DCHS1: variants seen among roughly 807,000 people sequenced by gnomAD.
DCHS1 encodes the protein dachsous cadherin-related 1.
Under a neutral mutation model 213.9 loss-of-function variants are expected in DCHS1, and 78 were observed. The ratio of observed to expected loss-of-function variants is 0.36; its 90% CI spans 0.30 to 0.44. The LOEUF (loss-of-function observed/expected upper bound fraction) is 0.44. Ranked by LOEUF, DCHS1 falls within the 20% of genes least tolerant of loss-of-function variation. The pLI, the probability that DCHS1 is intolerant of heterozygous loss-of-function variation, is 1.00. For synonymous variants in DCHS1, 1,828 were observed against 1,873.7 expected (o/e 0.98, Z 0.63); for missense variants, 3,946 against 4,395.9 (o/e 0.90, Z 2.89).
Position 6,640,770 on chromosome 11 carries a change from C to G in DCHS1, c.844G>C (p.Ala282Pro). The G allele has an allele frequency of 6.2e-7, 1 of 1,614,042 alleles. No individual in the cohort carries two copies. Among genetic ancestry groups the G allele is most frequent in the Non-Finnish European group, 8.5e-7 (1 of 1,179,892 alleles). ...ACAGCCCCATTGACACCAGCATCGGCATCAGATGCGAACACCTGCAAGACA... is the reference window on the plus strand; with the variant it reads ...ACAGCCCCATTGACACCAGCATCGGGATCAGATGCGAACACCTGCAAGACA... The part of the protein sequence containing the change: ...SPVLQVFASD[A>P]DAGVNGAVTY... Residue 282 changes from alanine (A) to proline (P), a missense_variant, in exon 2 of 21, where the codon GCC (alanine) becomes CCC (proline). By Grantham distance (27) the Ala-to-Pro change is conservative. Coordinates refer to ENST00000299441, the MANE Select transcript of DCHS1 (RefSeq NM_003737.4). The surrounding 1 kb of genome is among the most constrained non-coding windows in gnomAD (Gnocchi z 6.5).
At chr11:6,646,536 A>T (rs897971960) in intron 1 of DCHS1, among the ~76,000 whole-genome samples, 1 of 151,804 alleles carries the variant, frequency 6.6e-6, no homozygotes, top group East Asian at 1.9e-4. Context: ...CCTTCCCCAG[A>T]TCTGGCCTGC....
rs1855801964 is a variant in DCHS1 at position 6,626,275 on chromosome 11, A to G, written c.6470T>C (p.Leu2157Pro). 1 of 1,613,136 alleles carries G rather than the reference A, an allele frequency of 6.2e-7. No homozygotes were observed. The highest frequency in any genetic ancestry group is 1.3e-5 in the African/African-American group (1 of 74,930). The change falls in exon 16 of 21, where the codon CTG becomes CCG. Residue 2157 changes from leucine to proline, a missense_variant. Leu to Pro is a moderately conservative substitution (Grantham distance 98). Around this residue, in one of 3 missense-constraint regions of DCHS1, gnomAD observed 3,384 missense variants for 3,780.1 expected, o/e 0.90. Coordinates refer to ENST00000299441, the MANE Select transcript of DCHS1 (RefSeq NM_003737.4). This position sits in a 1 kb window ranked among gnomAD's most constrained non-coding sequence, Gnocchi z 5.2. Reference sequence around the variant, plus strand: ...GTTGGCATCTTGCAGGGTCAGGGTCAGCACAGTGAAGGCAAAGGCTCCTCC... The same window carrying G: ...GTTGGCATCTTGCAGGGTCAGGGTCGGCACAGTGAAGGCAAAGGCTCCTCC... Reference protein sequence around the residue: ...ESGGAFAFTVLTLTLQDANDN... With the variant: ...ESGGAFAFTVPTLTLQDANDN...
In DCHS1 at chr11:6,655,671, A is replaced by T; in HGVS notation, c.-229T>A. On this transcript the variant is annotated 5_prime_UTR_variant, in exon 1 of 21. Transcript: ENST00000299441. ...GGGCCTGAGGCCGCGCATCGTCCGC[A>T]GTCGCTGTCTCCGAGGCCCGCGATC... 1.0e-6 allele frequency: 1 copy of T among 974,702 alleles called. No homozygotes were observed. Among genetic ancestry groups the T allele is most frequent in the Non-Finnish European group, 1.2e-6 (1 of 826,148 alleles). 60.4% of individuals were successfully genotyped at this position (974,702 alleles called of 1,614,324 possible). A position where few individuals can be genotyped will look rare whatever the true frequency, so the allele number is the denominator to read the frequency against.
rs150354113 is a variant in DCHS1 at position 6,623,830 on chromosome 11, G to C, written c.7846C>G (p.Pro2616Ala). Residue 2616 changes from proline to alanine, a missense_variant, in exon 21 of 21, where the codon CCT becomes GCT. By Grantham distance (27) the Pro-to-Ala change is conservative. This residue lies in a region of DCHS1 where 3,384 missense variants were observed against 3,780.1 expected (regional missense o/e 0.90). Coordinates refer to ENST00000299441, the MANE Select transcript of DCHS1 (RefSeq NM_003737.4). ...SYRVTVPEDT[P>A]VGAELLHVEA... Reference sequence around the variant, plus strand: ...ACATGCAGCAGCTCAGCTCCAACAGGTGTGTCCTCAGGTACTGTCACACGG... The same window carrying C: ...ACATGCAGCAGCTCAGCTCCAACAGCTGTGTCCTCAGGTACTGTCACACGG... The C allele has an allele frequency of 1.5e-4, 234 of 1,613,604 alleles. No individual in the cohort carries two copies. In the African/African-American group the frequency reaches 2.7e-3, roughly 18 times the overall value.
At position 6,621,587 on chromosome 11, in the gene DCHS1, G is replaced by A. The variant is rs1240961295; in HGVS notation, c.*192C>T. The stretch of plus-strand genomic sequence containing the variant: ...CTCCCCACATTGGACCTGGTCACAG[G>A]TCAGTGAGCAACAGGGCTTCTGTGG... On this transcript the variant is annotated 3_prime_UTR_variant, in exon 21 of 21. Transcript: ENST00000299441. 1.4e-6 allele frequency: 1 copy of A among 732,760 alleles called. No individual in the cohort carries two copies. The highest frequency in any genetic ancestry group is 2.4e-6 in the Non-Finnish European group (1 of 413,922). The allele number at this position is 732,760 out of a possible 1,614,324, so 45.4% of individuals were successfully genotyped here.
At chr11:6,654,866 C>A (rs1436001544) in intron 1 of DCHS1, among the ~76,000 whole-genome samples, 8 of 152,114 alleles carry the variant, frequency 5.3e-5, no homozygotes, top group Admixed American at 5.2e-4. Context: ...CCTCTCCCCA[C>A]CCCCTCCACG....
rs1406848987 is a variant in DCHS1 at position 6,631,358 on chromosome 11, T to C, written c.3725A>G (p.Lys1242Arg). The C allele has an allele frequency of 6.2e-7, 1 of 1,613,976 alleles. No homozygotes were observed. Among genetic ancestry groups the C allele is most frequent in the Non-Finnish European group, 8.5e-7 (1 of 1,179,860 alleles). ...PGTLVTTLQA[K>R]DPDEGENGTI... ...CCCATTCTCCCCCTCATCTGGATCCTTCGCCTGCAGAGTCGTCACCAGTGT... is the reference window on the plus strand; with the variant it reads ...CCCATTCTCCCCCTCATCTGGATCCCTCGCCTGCAGAGTCGTCACCAGTGT... Residue 1242 changes from lysine (K) to arginine (R), a missense_variant, in exon 8 of 21, where the codon AAG becomes AGG. Around this residue, in one of 3 missense-constraint regions of DCHS1, gnomAD observed 3,384 missense variants for 3,780.1 expected, o/e 0.90. Coordinates refer to ENST00000299441, the MANE Select transcript of DCHS1 (RefSeq NM_003737.4).
In DCHS1 at chr11:6,632,628, G is replaced by A. The variant is rs1024685143; in HGVS notation, c.2884C>T (p.Pro962Ser). ...LMRPLGPSGG[P>S]AHELELEARD... is the part of the protein sequence containing the mutation. ...GCCTCCAGCTCCAGCTCATGGGCTG[G>A]CCCTCCTGAGGGCCCCAGAGGCCTC... The change falls in exon 6 of 21, where the codon CCA becomes TCA. Residue 962 changes from proline to serine, a missense_variant. Around this residue, in one of 3 missense-constraint regions of DCHS1, gnomAD observed 3,384 missense variants for 3,780.1 expected, o/e 0.90. Transcript: ENST00000299441. This position sits in a 1 kb window ranked among gnomAD's most constrained non-coding sequence, Gnocchi z 5.9. 4 of 1,547,950 alleles carry A rather than the reference G, an allele frequency of 2.6e-6. No homozygotes were observed. Among genetic ancestry groups the A allele is most frequent in the Non-Finnish European group, 3.5e-6 (4 of 1,143,180 alleles).
rs1413984607 is a variant in DCHS1 at position 6,640,859 on chromosome 11, G to A, written c.755C>T (p.Ala252Val). ...GTAGCGGCTCTGATTGAAAGCCGGG[G>A]CATGGTCATTGATGTCCAGCAGTGT... is the stretch of plus-strand genomic sequence containing the variant. ...DVTLLDINDH[A>V]PAFNQSRYHA... The change falls in exon 2 of 21, where the codon GCC (alanine) becomes GTC (valine). Residue 252 changes from alanine (A) to valine (V), a missense_variant. Physicochemically the swap from Ala to Val is moderately conservative, Grantham distance 64 (BLOSUM62 0). Around this residue, in one of 3 missense-constraint regions of DCHS1, gnomAD observed 3,384 missense variants for 3,780.1 expected, o/e 0.90. Transcript: ENST00000299441. The surrounding 1 kb of genome is among the most constrained non-coding windows in gnomAD (Gnocchi z 6.5). The A allele has an allele frequency of 6.2e-7, 1 of 1,614,050 alleles. No individual in the cohort carries two copies. Among genetic ancestry groups the A allele is most frequent in the Non-Finnish European group, 8.5e-7 (1 of 1,179,892 alleles).
At position 6,625,428 on chromosome 11, in the gene DCHS1, C is replaced by G; in HGVS notation, c.6916G>C (p.Gly2306Arg). The G allele has an allele frequency of 6.2e-7, 1 of 1,603,298 alleles. No homozygotes were observed. The highest frequency in any genetic ancestry group is 1.1e-5 in the South Asian group (1 of 90,330). The change falls in exon 19 of 21, where the codon GGA becomes CGA. Residue 2306 changes from glycine to arginine, a missense_variant. By Grantham distance (125) the Gly-to-Arg change is moderately radical. Around this residue, in one of 3 missense-constraint regions of DCHS1, gnomAD observed 3,384 missense variants for 3,780.1 expected, o/e 0.90. Transcript: ENST00000299441. The surrounding 1 kb of genome is among the most constrained non-coding windows in gnomAD (Gnocchi z 5.3). ...CTTAGCACATACCACAGCACGGGTC[C>G]TGAGTCCACATCATTCCCTGTTACC... ...AQVTGNDVDS[G>R]PVLWYVLSPS... is the part of the protein sequence containing the mutation.
chr11:6,652,392 G>C (rs547493881), intron 1 of DCHS1, among the ~76,000 whole-genome samples: 20 of 152,300 alleles, frequency 1.3e-4, no homozygotes, highest in African/African-American at 4.1e-4. Flanking sequence ...GAGGAAGTAG[G>C]AACAGCTATA....
chr11:6,624,792 T>C lies in DCHS1; in HGVS notation c.7223A>G (p.Asn2408Ser), dbSNP rs780922563. The change falls in exon 20 of 21, where the codon AAC becomes AGC. Residue 2408 changes from asparagine to serine, a missense_variant. Physicochemically the swap from Asn to Ser is conservative, Grantham distance 46 (BLOSUM62 1). Coordinates refer to ENST00000299441, the MANE Select transcript of DCHS1 (RefSeq NM_003737.4). ...AGCCAGGTGGTAGGAAATGTGACCG[T>C]TGGCACCTGAGTCCCGATCAGTGGC... ...VSATDRDSGA[N>S]GHISYHLASP... 11 of 1,613,786 alleles carry C rather than the reference T, an allele frequency of 6.8e-6. No individual in the cohort carries two copies. The highest frequency in any genetic ancestry group is 2.7e-5 in the African/African-American group (2 of 74,924).
chr11:6,633,963 G>T lies in DCHS1; in HGVS notation c.2044C>A (p.Pro682Thr). 6.2e-7 allele frequency: 1 copy of T among 1,614,012 alleles called. No homozygotes were observed. The highest frequency in any genetic ancestry group is 1.1e-5 in the South Asian group (1 of 91,080). The change falls in exon 4 of 21, where the codon CCT becomes ACT. Residue 682 changes from proline to threonine, a missense_variant. Physicochemically the swap from Pro to Thr is conservative, Grantham distance 38. Around this residue, in one of 3 missense-constraint regions of DCHS1, gnomAD observed 3,384 missense variants for 3,780.1 expected, o/e 0.90. Coordinates refer to ENST00000299441, the MANE Select transcript of DCHS1 (RefSeq NM_003737.4). ...KVFLSDENDN[P>T]PQFYPREYAA... ...TACTCCCGTGGATAAAACTGAGGAG[G>T]GTTGTCATTCTCGTCTGACAGAAAC...
intron 1 of DCHS1, among the ~76,000 whole-genome samples, chr11:6,651,980 AG>A (rs1353323564): frequency 6.6e-6 from 1 of 152,204 alleles, no homozygotes; most frequent in East Asian, 1.9e-4. Context: ...TGTTAATAAA[AG>A]CCTTGAAAAA....
Position 6,630,517 on chromosome 11 carries a change from A to G in DCHS1, c.4277T>C (p.Val1426Ala), listed in dbSNP as rs1319341840. The change falls in exon 10 of 21, where the codon GTG (valine) becomes GCG (alanine). Residue 1426 changes from valine (V) to alanine (A), a missense_variant. By Grantham distance (64) the Val-to-Ala change is moderately conservative. This residue lies in a region of DCHS1 where 3,384 missense variants were observed against 3,780.1 expected (regional missense o/e 0.90). Transcript: ENST00000299441. ...GGGCGCATGCTCATTCTCGTCCTGCACTTGCACCTGCACTCGCAGCAGCCG... is the reference window on the plus strand; with the variant it reads ...GGGCGCATGCTCATTCTCGTCCTGCGCTTGCACCTGCACTCGCAGCAGCCG... ...GARLLRVQVQ[V>A]QDENEHAPAF... is the part of the protein sequence containing the mutation. The G allele has an allele frequency of 1.9e-6, 3 of 1,539,058 alleles. No individual in the cohort carries two copies. Among genetic ancestry groups the G allele is most frequent in the Non-Finnish European group, 2.6e-6 (3 of 1,149,464 alleles).
chr11:6,624,161 C>A lies in DCHS1; in HGVS notation c.7515G>T (p.Glu2505Asp). 5.6e-6 allele frequency: 9 copies of A among 1,612,892 alleles called. No individual in the cohort carries two copies. Among genetic ancestry groups the A allele is most frequent in the Non-Finnish European group, 7.6e-6 (9 of 1,179,562 alleles). Reference sequence around the variant, plus strand: ...TGCGGCTTCCATCAGCATCTGTAGCCTCCAGGGTGAGCAGAGTGGAGCCAG... The same window carrying A: ...TGCGGCTTCCATCAGCATCTGTAGCATCCAGGGTGAGCAGAGTGGAGCCAG... ...LPPGSTLLTL[E>D]ATDADGSRSH... The change falls in exon 21 of 21, where the codon GAG (glutamate) becomes GAT (aspartate). Residue 2505 changes from glutamate to aspartate, a missense_variant. By Grantham distance (45) the Glu-to-Asp change is conservative. Transcript: ENST00000299441.
chr11:6,630,916 G>T, intron 9 of DCHS1, 53 bp from the exon 10 acceptor site: 1 of 1,493,862 alleles, frequency 6.7e-7, no homozygotes, highest in South Asian at 1.3e-5. Context: ...TGTAAAAGGG[G>T]ATCTGGGCTG....
chr11:6,651,585 T>C (rs1856242939), intron 1 of DCHS1, among the ~76,000 whole-genome samples: 1 of 152,014 alleles, frequency 6.6e-6, no homozygotes, highest in Non-Finnish European at 1.5e-5. Flanking sequence ...AAAGAATGGA[T>C]TGAAAGAAGG....
chr11:6,655,578 G>C lies in DCHS1; in HGVS notation c.-136C>G. Reference sequence around the variant, plus strand: ...GGGCACTGACCTCCGCGCGACGCGGGCTCCCTCGCCCGGTGCTGGGGCGCC... The same window carrying C: ...GGGCACTGACCTCCGCGCGACGCGGCCTCCCTCGCCCGGTGCTGGGGCGCC... On this transcript the variant is annotated 5_prime_UTR_variant, in exon 1 of 21. Coordinates refer to ENST00000299441, the MANE Select transcript of DCHS1 (RefSeq NM_003737.4). The C allele has an allele frequency of 1.0e-6, 1 of 980,426 alleles. No homozygotes were observed. Among genetic ancestry groups the C allele is most frequent in the East Asian group, 1.1e-4 (1 of 8,698 alleles). The allele number at this position is 980,426 out of a possible 1,614,324, so 60.7% of individuals were successfully genotyped here. A position where few individuals can be genotyped will look rare whatever the true frequency, so the allele number is the denominator to read the frequency against.
Sources: allele counts gnomAD v4.1 joint callset (sites outside exome capture counted in the v4.1 genomes callset), GRCh38; gene constraint gnomAD v4.1.1; regional missense constraint gnomAD v4.1.1; non-coding constraint Gnocchi (gnomAD v3.1); transcripts MANE v1.5; gene names NCBI Gene and HGNC (gene_info 2026-07-23, HGNC 2026-07-21).